Variants in NOP14 observed in about 807,000 individuals in gnomAD.
NOP14 encodes NOP14 nucleolar protein.
In NOP14, 57 loss-of-function variants were observed where a neutral mutation model predicts 101.6. The ratio of observed to expected loss-of-function variants is 0.56; its 90% CI spans 0.45 to 0.70. The LOEUF is 0.70. Ranked by LOEUF, NOP14 falls within the 30% of genes least tolerant of loss-of-function variation. The pLI is 0.00. For missense variants in NOP14, 1,134 were observed against 1,075.5 expected (o/e 1.05, Z -0.76); for synonymous variants, 428 against 424.0 (o/e 1.01, Z -0.12).
intron 1 of NOP14, among the ~76,000 whole-genome samples, chr4:2,959,419 C>T (rs1021287984): frequency 9.9e-5 from 15 of 152,144 alleles, no homozygotes; most frequent in Middle Eastern, 3.4e-3. Context: ...GGTGAAACCC[C>T]GTCTCTACTA....
chr4:2,950,992 A>C (rs1714990573), intron 7 of NOP14, 122 bp downstream of exon 7: 1 of 924,868 alleles, frequency 1.1e-6, no homozygotes, highest in African/African-American at 1.7e-5. Flanking sequence ...AAAGAACTTT[A>C]GAGAAACTGG....
chr4:2,943,968 TTCCTC>T, intron 13 of NOP14, 100 bp downstream of exon 13: 1 of 918,094 alleles, frequency 1.1e-6, no homozygotes, highest in African/African-American at 1.7e-5. Flanking sequence ...GGTTGTGTGT[TTCCTC>T]TACTTTCGCA....
chr4:2,951,296 T>C, intron 6 of NOP14, 51 bp from the exon 7 acceptor site: 1 of 1,589,442 alleles, frequency 6.3e-7, no homozygotes, highest in South Asian at 1.1e-5. Context: ...CAACATATGG[T>C]GAGGGGGCCG....
In NOP14 at chr4:2,938,419, C is replaced by T. The variant is rs1024078981; in HGVS notation, c.*412G>A. The T allele has an allele frequency of 1.1e-5, 4 of 358,844 alleles. No individual in the cohort carries two copies. Among genetic ancestry groups the T allele is most frequent in the South Asian group, 4.2e-5 (2 of 47,850 alleles). 22.2% of individuals were successfully genotyped at this position (358,844 alleles called of 1,614,324 possible). A position where few individuals can be genotyped will look rare whatever the true frequency, so the allele number is the denominator to read the frequency against. On this transcript the variant is annotated 3_prime_UTR_variant, in exon 18 of 18. Coordinates refer to ENST00000416614, the MANE Select transcript of NOP14 (RefSeq NM_001291978.2). ...TCTGTAATCCCAGCTACTCGGGAGG[C>T]TGAGGCAGGAGAATCGCTTGAACCC...
At chr4:2,941,561 C>A in intron 15 of NOP14, 21 bp downstream of exon 15, 1 of 1,608,676 alleles carries the variant, frequency 6.2e-7, no homozygotes. Flanking sequence ...GCAGAGCACC[C>A]TAGTGGCCGG....
rs1037777266 is a variant in NOP14 at position 2,938,115 on chromosome 4, C to T, written c.*716G>A. 1 of 1,044,386 alleles carries T rather than the reference C, an allele frequency of 9.6e-7. No homozygotes were observed. Among genetic ancestry groups the T allele is most frequent in the Non-Finnish European group, 1.3e-6 (1 of 780,508 alleles). 64.7% of individuals were successfully genotyped at this position (1,044,386 alleles called of 1,614,324 possible). The stretch of plus-strand genomic sequence containing the variant: ...CAGACCATTCCCGATCCCAGAGGTG[C>T]ATTTCAGGATTCATTCTATTTCATC... On this transcript the variant is annotated 3_prime_UTR_variant, in exon 18 of 18. Transcript: ENST00000416614.
chr4:2,956,658 C>T lies in NOP14; in HGVS notation c.472+12G>A. On this transcript the variant is annotated intron_variant, in intron 3 of 17. Coordinates refer to ENST00000416614, the MANE Select transcript of NOP14 (RefSeq NM_001291978.2). ...CACGCCCACAGGCCCGTGCACAGCA[C>T]CCCAGCCTCACCAGACAACGTTCCT... The T allele has an allele frequency of 6.2e-7, 1 of 1,610,142 alleles. No homozygotes were observed. Among genetic ancestry groups the T allele is most frequent in the Non-Finnish European group, 8.5e-7 (1 of 1,178,740 alleles).
Position 2,938,326 on chromosome 4 carries a change from G to A in NOP14, c.*505C>T, listed in dbSNP as rs748735603. On this transcript the variant is annotated 3_prime_UTR_variant, in exon 18 of 18. Coordinates refer to ENST00000416614, the MANE Select transcript of NOP14 (RefSeq NM_001291978.2). Reference sequence around the variant, plus strand: ...ACCTGAGGTCGGGAATTCGAGACCAGCCTGACCAACATGGAGAAACCCCGT... The same window carrying A: ...ACCTGAGGTCGGGAATTCGAGACCAACCTGACCAACATGGAGAAACCCCGT... 167 of 731,110 alleles carry A rather than the reference G, an allele frequency of 2.3e-4. 3 individuals are homozygous for A. The highest frequency in any genetic ancestry group is 1.2e-3 in the South Asian group (86 of 69,168). 45.3% of individuals were successfully genotyped at this position (731,110 alleles called of 1,614,324 possible). A position where few individuals can be genotyped will look rare whatever the true frequency, so the allele number is the denominator to read the frequency against.
At chr4:2,960,794 ATAT>A (rs941518020) in intron 1 of NOP14, among the ~76,000 whole-genome samples, 1 of 85,884 alleles carries the variant, frequency 1.2e-5, no homozygotes, top group African/African-American at 4.7e-5. Context: ...AATCACATTA[ATAT>A]TAATATATTA....
intron 8 of NOP14, 46 bp downstream of exon 8, chr4:2,949,888 C>G: frequency 6.2e-7 from 1 of 1,609,484 alleles, no homozygotes; most frequent in Non-Finnish European, 8.5e-7. Flanking sequence ...ATGGCCAGGT[C>G]ATAAAGGTTA....
Position 2,939,340 on chromosome 4 carries a change from G to C in NOP14, c.2322C>G (p.Leu774=), listed in dbSNP as rs372993133. 1 of 1,613,938 alleles carries C rather than the reference G, an allele frequency of 6.2e-7. No homozygotes were observed. Among genetic ancestry groups the C allele is most frequent in the East Asian group, 2.2e-5 (1 of 44,884 alleles). The part of the protein sequence containing the change: ...KLFTPRLVKV[L]EFGRKQGSSK... ...TACTGCCTTGTTTTCTTCCAAACTC[G>C]AGGCTACAACCAGAAAGCCACTGTT... Residue 774 remains leucine, a synonymous_variant, in exon 17 of 18, where the codon CTC becomes CTG. Transcript: ENST00000416614.
At position 2,939,332 on chromosome 4, in the gene NOP14, C is replaced by T. The variant is rs1305325841; in HGVS notation, c.2330G>A (p.Gly777Glu). Residue 777 changes from glycine (G) to glutamate (E), a missense_variant, in exon 17 of 18, where the codon GGA (glycine) becomes GAA (glutamate). Physicochemically the swap from Gly to Glu is moderately conservative, Grantham distance 98 (BLOSUM62 -2). Transcript: ENST00000416614. ...CTCCTTACTACTGCCTTGTTTTCTT[C>T]CAAACTCGAGGCTACAACCAGAAAG... Reference protein sequence around the residue: ...TPRLVKVLEFGRKQGSSKEEQ... With the variant: ...TPRLVKVLEFERKQGSSKEEQ... 1.2e-6 allele frequency: 2 copies of T among 1,613,942 alleles called. No individual in the cohort carries two copies. The highest frequency in any genetic ancestry group is 2.7e-5 in the African/African-American group (2 of 74,942).
chr4:2,963,367 GGC>G lies in NOP14; in HGVS notation c.-50_-49del, dbSNP rs757877064. On this transcript the variant is annotated 5_prime_UTR_variant, in exon 1 of 18. Coordinates refer to ENST00000416614, the MANE Select transcript of NOP14 (RefSeq NM_001291978.2). ...AGGGCCCGAGACCCGAAGAGAGACA[GGC>G]GCGCGCTACCCTAAGACACGTGCCG... The G allele has an allele frequency of 4.3e-5, 64 of 1,497,884 alleles. No homozygotes were observed. Among genetic ancestry groups the G allele is most frequent in the Middle Eastern group, 1.8e-4 (1 of 5,714 alleles). The allele number at this position is 1,497,884 out of a possible 1,614,324, so 92.8% of individuals were successfully genotyped here.
In NOP14 at chr4:2,951,133, C is replaced by G. The variant is rs754784059; in HGVS notation, c.983G>C (p.Arg328Thr). 6.2e-7 allele frequency: 1 copy of G among 1,612,278 alleles called. No individual in the cohort carries two copies. Among genetic ancestry groups the G allele is most frequent in the Non-Finnish European group, 8.5e-7 (1 of 1,178,734 alleles). The change falls in exon 7 of 18, where the codon AGG becomes ACG. Residue 328 changes from arginine (R) to threonine (T), a missense_variant. Arg to Thr is a moderately conservative substitution (Grantham distance 71). Coordinates refer to ENST00000416614, the MANE Select transcript of NOP14 (RefSeq NM_001291978.2). ...NDGFVLDKDD[R>T]RLLSYKDGKM... ...TCTTACTTTGTAGGAAAGCAAACGC[C>G]TGTCATCTTTATCTAGCACGAAGCC...
intron 15 of NOP14, 104 bp from the exon 16 acceptor site, chr4:2,939,749 C>T (rs1010680219): frequency 2.0e-5 from 18 of 878,650 alleles, no homozygotes; most frequent in East Asian, 4.8e-5. Context: ...GACAGTGCTG[C>T]GAGCTCCCTG....
intron 9 of NOP14, among the ~76,000 whole-genome samples, chr4:2,947,876 G>A (rs1265237819): frequency 6.6e-6 from 1 of 152,254 alleles, no homozygotes; most frequent in Non-Finnish European, 1.5e-5. Flanking sequence ...AGGAAAGCAC[G>A]ACGAGGAACA....
At chr4:2,960,620 G>T (rs1715668141) in intron 1 of NOP14, among the ~76,000 whole-genome samples, 1 of 148,492 alleles carries the variant, frequency 6.7e-6, no homozygotes, top group Admixed American at 6.8e-5. Context: ...CTGACCAACT[G>T]TAAGGGACCA....
intron 9 of NOP14, 43 bp from the exon 10 acceptor site, chr4:2,947,654 C>A (rs1367934872): frequency 6.6e-7 from 1 of 1,511,452 alleles, no homozygotes; most frequent in Admixed American, 1.7e-5. Context: ...GTGCTCAGCA[C>A]CAAGAACAAA....
chr4:2,939,096 G>A, intron 17 of NOP14, 92 bp downstream of exon 17: 1 of 1,566,152 alleles, frequency 6.4e-7, no homozygotes, highest in Non-Finnish European at 8.7e-7. Context: ...CCAAGGCTGT[G>A]GGATGCCAGG....
Sources: allele counts gnomAD v4.1 joint callset (sites outside exome capture counted in the v4.1 genomes callset), GRCh38; gene constraint gnomAD v4.1.1; transcripts MANE v1.5; gene names NCBI Gene and HGNC (gene_info 2026-07-23, HGNC 2026-07-21).